The following SLCO1A2 variants were observed in gnomAD, a reference collection of about 807,000 sequenced individuals.
SLCO1A2 encodes OATP-1.
In SLCO1A2, 67 loss-of-function variants were observed where a neutral mutation model predicts 69.0. That is an observed-to-expected ratio of 0.97 (90% CI 0.80 to 1.19). The LOEUF (loss-of-function observed/expected upper bound fraction) is 1.19. Ranked by LOEUF, SLCO1A2 falls within the 50% of genes most tolerant of loss-of-function variation. The pLI, the probability that SLCO1A2 is intolerant of heterozygous loss-of-function variation, is 0.00. For missense variants in SLCO1A2, 787 were observed against 793.7 expected (o/e 0.99, Z 0.10); for synonymous variants, 260 against 265.9 (o/e 0.98, Z 0.22).
chr12:21,363,569 G>A (rs181987082), intron 2 of SLCO1A2, among the ~76,000 whole-genome samples: 155 of 152,204 alleles, frequency 1.0e-3, no homozygotes, highest in African/African-American at 3.6e-3. Context: ...AGTAGATAGA[G>A]ACACAAAAAA....
chr12:21,330,625 G>A (rs1181625983), intron 2 of SLCO1A2, among the ~76,000 whole-genome samples: 3 of 152,118 alleles, frequency 2.0e-5, no homozygotes, highest in Non-Finnish European at 4.4e-5. Flanking sequence ...CACAGGTTCT[G>A]AGATATCAAT....
intron 12 of SLCO1A2, among the ~76,000 whole-genome samples, chr12:21,291,238 G>A (rs1024618038): frequency 6.6e-6 from 1 of 152,066 alleles, no homozygotes; most frequent in African/African-American, 2.4e-5. Context: ...TCTACCTTAT[G>A]AATCGGAACA....
intron 2 of SLCO1A2, among the ~76,000 whole-genome samples, chr12:21,360,336 G>A (rs1388170667): frequency 2.0e-5 from 3 of 152,162 alleles, no homozygotes; most frequent in African/African-American, 7.2e-5. Flanking sequence ...AAATGAAGGT[G>A]TAAAACGACA....
At chr12:21,346,545 C>G (rs1286690048) in intron 2 of SLCO1A2, among the ~76,000 whole-genome samples, 1 of 151,750 alleles carries the variant, frequency 6.6e-6, no homozygotes, top group Non-Finnish European at 1.5e-5. Flanking sequence ...ATATGTGGAA[C>G]AATGACTAGG....
upstream of SLCO1A2, among the ~76,000 whole-genome samples, chr12:21,400,213 G>A (rs371812410): frequency 4.6e-3 from 704 of 151,998 alleles, 4 homozygotes; most frequent in African/African-American, 0.012. Context: ...AAAAGTGGGC[G>A]AAGGACATGA....
At chr12:21,417,412 T>C (rs989446250) in intron 1 of SLCO1A2, among the ~76,000 whole-genome samples, 1 of 149,376 alleles carries the variant, frequency 6.7e-6, no homozygotes, top group Non-Finnish European at 1.5e-5. Flanking sequence ...ACATCTTTCA[T>C]AGTAGATTTT....
intron 2 of SLCO1A2, among the ~76,000 whole-genome samples, chr12:21,345,694 T>C (rs1265600058): frequency 6.6e-6 from 1 of 152,150 alleles, no homozygotes; most frequent in Non-Finnish European, 1.5e-5. Flanking sequence ...AATTATGCTT[T>C]CTTAAGTAAG....
At chr12:21,293,564 AAAAT>A (rs139780426) in intron 11 of SLCO1A2, among the ~76,000 whole-genome samples, 25,897 of 150,688 alleles carry the variant, frequency 0.17, 2,739 homozygotes, top group African/African-American at 0.3. Context: ...TATACACAGA[AAAAT>A]ATATATATAT....
At chr12:21,360,421 C>G (rs1938745617) in intron 2 of SLCO1A2, among the ~76,000 whole-genome samples, 1 of 152,150 alleles carries the variant, frequency 6.6e-6, no homozygotes, top group African/African-American at 2.4e-5. Context: ...GAAATATAAA[C>G]ATCAGAGGGT....
intron 8 of SLCO1A2, among the ~76,000 whole-genome samples, chr12:21,299,081 A>G (rs542989456): frequency 1.5e-3 from 229 of 152,228 alleles, no homozygotes; most frequent in African/African-American, 4.9e-3. Context: ...AGTAAGTACT[A>G]TTATTATCCC....
chr12:21,314,463 A>G, intron 4 of SLCO1A2, 86 bp downstream of exon 4: 1 of 1,428,224 alleles, frequency 7.0e-7, no homozygotes, highest in Non-Finnish European at 9.8e-7. Context: ...TGCTGTTGGA[A>G]AGCATTGCTC....
At chr12:21,342,662 T>C (rs2136985888) in intron 2 of SLCO1A2, among the ~76,000 whole-genome samples, 1 of 152,220 alleles carries the variant, frequency 6.6e-6, no homozygotes, top group South Asian at 2.1e-4. Flanking sequence ...TGTCTTCATG[T>C]TTAATATTAC....
In SLCO1A2 at chr12:21,283,426, G is replaced by A. The variant is rs143271715; in HGVS notation, c.1611-8002C>T. ...CCATATTCAAAAATCAATCAAAATC[G>A]ATGAAAGACTTAAATCTAAGACCTC... On this transcript the variant is annotated intron_variant, in intron 12 of 14. Transcript: ENST00000683939. 1.9e-3 allele frequency among the ~76,000 whole-genome samples: 286 copies of A among 152,166 alleles called. 2 individuals are homozygous for A. Among genetic ancestry groups the A allele is most frequent in the African/African-American group, 6.5e-3 (272 of 41,530 alleles).
upstream of SLCO1A2, among the ~76,000 whole-genome samples, chr12:21,339,419 G>T (rs533652826): frequency 6.6e-6 from 1 of 152,008 alleles, no homozygotes; most frequent in South Asian, 2.1e-4. Flanking sequence ...AAATACTTGG[G>T]CTTTGAAATT....
At position 21,394,555 on chromosome 12, in the gene SLCO1A2, G is replaced by GCACACACACA. The variant is rs35166807; in HGVS notation, c.-190+341_-190+350dup. ...AGACACTGTCTCAAAAATAACACACGCACACACACACACACACACACACAC... is the reference window on the plus strand; with the variant it reads ...AGACACTGTCTCAAAAATAACACACGCACACACACACACACACACACACACACACACACAC... On this transcript the variant is annotated intron_variant, in intron 1 of 15. Transcript: ENST00000307378. Among the ~76,000 whole-genome samples the GCACACACACA allele has an allele frequency of 3.1e-3, 433 of 138,998 alleles. 3 individuals are homozygous for GCACACACACA. The highest frequency in any genetic ancestry group is 4.5e-3 in the Admixed American group (62 of 13,722). The allele number at this position is 138,998 out of a possible 152,430, so 91.2% of individuals were successfully genotyped here.
intron 1 of SLCO1A2, among the ~76,000 whole-genome samples, chr12:21,382,122 A>G (rs1940623550): frequency 1.3e-5 from 2 of 152,322 alleles, no homozygotes; most frequent in South Asian, 4.1e-4. Flanking sequence ...TATGGTATTT[A>G]CCCACTATGG....
chr12:21,413,237 C>CTTTTTTTTTCTTTTTT (rs1941937912), intron 1 of SLCO1A2, among the ~76,000 whole-genome samples: 1 of 99,432 alleles, frequency 1.0e-5, no homozygotes, highest in African/African-American at 4.0e-5. Context: ...TTTTCTTTTT[C>CTTTTTTTTTCTTTTTT]TTTTTTTTTT....
chr12:21,360,047 T>G (rs1426747157), intron 2 of SLCO1A2, among the ~76,000 whole-genome samples: 1 of 151,308 alleles, frequency 6.6e-6, no homozygotes, highest in Non-Finnish European at 1.5e-5. Flanking sequence ...AAGGAATACA[T>G]GCTATACTAT....
exon 1 of SLCO1A2, chr12:21,395,153 T>C: frequency 6.4e-6 from 1 of 155,358 alleles, no homozygotes; most frequent in Non-Finnish European, 1.4e-5. Context: ...TGGGCGCAGG[T>C]CAGTGGGTGC....
Sources: allele counts gnomAD v4.1 joint callset (sites outside exome capture counted in the v4.1 genomes callset), GRCh38; gene constraint gnomAD v4.1.1; transcripts MANE v1.5; gene names NCBI Gene and HGNC (gene_info 2026-07-23, HGNC 2026-07-21).